The following KLHL24 variants were observed in gnomAD, a reference collection of about 807,000 sequenced individuals.
The protein encoded by KLHL24 is kelch like family member 24.
A neutral mutation model predicts 53.4 loss-of-function variants in KLHL24; 29 were observed. The observed-to-expected ratio is 0.54, with a 90% CI of 0.40 to 0.74. The LOEUF (loss-of-function observed/expected upper bound fraction) is 0.74. Among genes scored for constraint, KLHL24 ranks in the 30% least tolerant of loss-of-function variants. KLHL24 has a pLI of 0.00. For missense variants in KLHL24, 504 were observed against 744.0 expected, an observed-to-expected ratio of 0.68 and a Z score of 3.75; for synonymous variants, 222 against 253.7, an observed-to-expected ratio of 0.88 and a Z score of 1.19.
intron 1 of KLHL24, among the ~76,000 whole-genome samples, chr3:183,642,034 T>C (rs1449558820): frequency 6.6e-6 from 1 of 152,214 alleles, no homozygotes; most frequent in Non-Finnish European, 1.5e-5. Context: ...CTGCACCTGC[T>C]AAGAATTTGA....
Position 183,663,659 on chromosome 3 carries a change from T to C in KLHL24, c.1105+17T>C. ...TTGTTTCAGGTAAATATAGAATTAT[T>C]ACAGTAGCTACTTTTAATTTGGACA... On this transcript the variant is annotated intron_variant, in intron 4 of 7. Coordinates refer to ENST00000242810, the MANE Select transcript of KLHL24 (RefSeq NM_017644.3). The surrounding 1 kb of genome is among the most constrained non-coding windows in gnomAD (Gnocchi z 4.9). The C allele has an allele frequency of 7.0e-7, 1 of 1,425,084 alleles. No individual in the cohort carries two copies. The highest frequency in any genetic ancestry group is 9.5e-7 in the Non-Finnish European group (1 of 1,051,438). 88.3% of individuals were successfully genotyped at this position (1,425,084 alleles called of 1,614,324 possible).
intron 7 of KLHL24, among the ~76,000 whole-genome samples, chr3:183,675,043 G>A (rs1473986582): frequency 6.6e-6 from 1 of 152,084 alleles, no homozygotes; most frequent in Non-Finnish European, 1.5e-5. Context: ...ATTCCCTTAT[G>A]GGTATAAATG....
Position 183,655,698 on chromosome 3 carries a change from G to T in KLHL24, c.920+4422G>T, listed in dbSNP as rs12106755. On this transcript the variant is annotated intron_variant, in intron 3 of 7. Coordinates refer to ENST00000242810, the MANE Select transcript of KLHL24 (RefSeq NM_017644.3). ...TCAGCACTTTGGGAGGCCGAGGCGG[G>T]CAGATCACTAAGTCAGGAGATTGAG... Among the ~76,000 whole-genome samples, 1,382 of 152,194 alleles carry T rather than the reference G, an allele frequency of 9.1e-3. 27 individuals carry two copies. The highest frequency in any genetic ancestry group is 0.032 in the African/African-American group (1,324 of 41,512).
chr3:183,639,369 G>A (rs1350081468), intron 1 of KLHL24, among the ~76,000 whole-genome samples: 22 of 152,216 alleles, frequency 1.4e-4, no homozygotes, highest in African/African-American at 5.3e-4. Context: ...GGTGGCTCAC[G>A]CCTGTAATCC....
chr3:183,640,219 GT>G, intron 1 of KLHL24, among the ~76,000 whole-genome samples: 1 of 152,146 alleles, frequency 6.6e-6, no homozygotes, highest in Non-Finnish European at 1.5e-5. Context: ...GGGCAGCTTG[GT>G]ATACCACGTG....
chr3:183,646,190 C>T (rs572476194), intron 2 of KLHL24, among the ~76,000 whole-genome samples: 2 of 151,218 alleles, frequency 1.3e-5, no homozygotes, highest in South Asian at 2.1e-4. Context: ...GGTGAAACCC[C>T]GTCTCTTCCA....
Position 183,671,067 on chromosome 3 carries a change from A to C in KLHL24, c.1258A>C (p.Arg420=). ...YVVGGYDGQN[R]LSSVECYDSF... Reference sequence around the variant, plus strand: ...TGTCGGTGGCTATGATGGGCAAAACAGACTTAGCAGCGTAGAATGTTATGA... The same window carrying C: ...TGTCGGTGGCTATGATGGGCAAAACCGACTTAGCAGCGTAGAATGTTATGA... Residue 420 remains arginine (R), a synonymous_variant, in exon 6 of 8, where the codon AGA becomes CGA. Coordinates refer to ENST00000242810, the MANE Select transcript of KLHL24 (RefSeq NM_017644.3). 1.2e-6 allele frequency: 2 copies of C among 1,614,084 alleles called. No homozygotes were observed. Among genetic ancestry groups the C allele is most frequent in the Non-Finnish European group, 1.7e-6 (2 of 1,179,952 alleles).
At position 183,682,248 on chromosome 3, in the gene KLHL24, T is replaced by C. The variant is rs1292243175; in HGVS notation, c.*2962T>C. 6.6e-6 allele frequency: 1 copy of C among 152,160 alleles called. No individual in the cohort carries two copies. The highest frequency in any genetic ancestry group is 1.9e-4 in the East Asian group (1 of 5,204). The allele number at this position is 152,160 out of a possible 1,614,324, so 9.4% of individuals were successfully genotyped here. A position where few individuals can be genotyped will look rare whatever the true frequency, so the allele number is the denominator to read the frequency against. On this transcript the variant is annotated 3_prime_UTR_variant, in exon 8 of 8. Coordinates refer to ENST00000242810, the MANE Select transcript of KLHL24 (RefSeq NM_017644.3). Reference sequence around the variant, plus strand: ...TTGTAGAACAGAAAAGTATAGTTTTTTTTTCATGAACTTTAATCATTTTCT... The same window carrying C: ...TTGTAGAACAGAAAAGTATAGTTTTCTTTTCATGAACTTTAATCATTTTCT...
intron 7 of KLHL24, among the ~76,000 whole-genome samples, chr3:183,674,300 T>TTTCC (rs1560185978): frequency 6.8e-6 from 1 of 146,328 alleles, no homozygotes; most frequent in Non-Finnish European, 1.5e-5. Context: ...TCTTTCTTTC[T>TTTCC]TTCCTTTCTT....
chr3:183,654,939 C>A (rs975542726), intron 3 of KLHL24, among the ~76,000 whole-genome samples: 3 of 152,150 alleles, frequency 2.0e-5, no homozygotes, highest in Non-Finnish European at 4.4e-5. Context: ...TATATTGCAT[C>A]ATATTAGGAG....
intron 7 of KLHL24, among the ~76,000 whole-genome samples, chr3:183,673,607 A>G (rs1721664514): frequency 6.6e-6 from 1 of 152,070 alleles, no homozygotes; most frequent in African/African-American, 2.4e-5. Flanking sequence ...GCCACCTCCC[A>G]AAAGGCCTTT....
In KLHL24 at chr3:183,649,513, G is replaced by T. The variant is rs78816864; in HGVS notation, c.-61-783G>T. 7.1e-3 allele frequency among the ~76,000 whole-genome samples: 1,066 copies of T among 149,838 alleles called. 3 individuals carry two copies. The highest frequency in any genetic ancestry group is 0.011 in the Non-Finnish European group (714 of 67,862). On this transcript the variant is annotated intron_variant, in intron 2 of 7. Coordinates refer to ENST00000242810, the MANE Select transcript of KLHL24 (RefSeq NM_017644.3). ...GACATAATTCTGATTATTTCCTTAGGAGAGAGTGCTAAAAAAAAAAAAAGG... is the reference window on the plus strand; with the variant it reads ...GACATAATTCTGATTATTTCCTTAGTAGAGAGTGCTAAAAAAAAAAAAAGG...
At chr3:183,639,379 C>G (rs961489945) in intron 1 of KLHL24, among the ~76,000 whole-genome samples, 8 of 151,848 alleles carry the variant, frequency 5.3e-5, no homozygotes, top group Non-Finnish European at 1.2e-4. Context: ...GCCTGTAATC[C>G]CAGCACTTTG....
In KLHL24 at chr3:183,683,517, A is replaced by G. The variant is rs1712903117; in HGVS notation, c.*4231A>G. On this transcript the variant is annotated 3_prime_UTR_variant, in exon 8 of 8. Coordinates refer to ENST00000242810, the MANE Select transcript of KLHL24 (RefSeq NM_017644.3). ...CAGTAGGTTTGACTAGCTAGCTATC[A>G]TTATTGTCACATCTAATGCTAGGCA... is the stretch of plus-strand genomic sequence containing the variant. 6.6e-6 allele frequency: 1 copy of G among 152,656 alleles called. No homozygotes were observed. The highest frequency in any genetic ancestry group is 1.5e-5 in the Non-Finnish European group (1 of 68,046). The allele number at this position is 152,656 out of a possible 1,614,324, so 9.5% of individuals were successfully genotyped here.
intron 7 of KLHL24, among the ~76,000 whole-genome samples, chr3:183,675,591 T>G (rs2108893312): frequency 6.6e-6 from 1 of 152,246 alleles, no homozygotes; most frequent in African/African-American, 2.4e-5. Flanking sequence ...CTGCTTTTTA[T>G]TGGTTTATTT....
intron 1 of KLHL24, among the ~76,000 whole-genome samples, chr3:183,640,656 A>G (rs6804087): frequency 0.36 from 50,360 of 139,720 alleles, 9,401 homozygotes; most frequent in African/African-American, 0.52. Flanking sequence ...CTGGAGTGTG[A>G]TGGTGCCATC....
At chr3:183,644,034 C>CTTTTTTTTTTTTTTTTTTTTT (rs397955282) in intron 2 of KLHL24, 2 of 76,082 alleles carry the variant, frequency 2.6e-5, no homozygotes, top group African/African-American at 6.1e-5. Flanking sequence ...TTTTTCTTTC[C>CTTTTTTTTTTTTTTTTTTTTT]TTTTTTTTTT....
At chr3:183,660,054 G>T (rs985607115) in intron 3 of KLHL24, among the ~76,000 whole-genome samples, 1 of 151,218 alleles carries the variant, frequency 6.6e-6, no homozygotes, top group Non-Finnish European at 1.5e-5. Context: ...AATGGGAGAA[G>T]CAAAAAATGC....
At chr3:183,676,466 G>A (rs762188955) in intron 7 of KLHL24, among the ~76,000 whole-genome samples, 1 of 152,068 alleles carries the variant, frequency 6.6e-6, no homozygotes, top group Non-Finnish European at 1.5e-5. Context: ...GCCAACCGAT[G>A]AAAAAGGATA....
Sources: gnomAD v4.1 joint callset for allele counts (sites outside exome capture counted in the v4.1 genomes callset) on GRCh38, gnomAD v4.1.1 for gene constraint, Gnocchi (gnomAD v3.1) non-coding constraint, MANE v1.5 for transcripts, NCBI Gene and HGNC (gene_info 2026-07-23, HGNC 2026-07-21) for gene names.